The following PHC3 variants were observed in gnomAD, a reference collection of about 807,000 sequenced individuals.
The protein encoded by PHC3 is polyhomeotic homolog 3.
A neutral mutation model predicts 107.4 loss-of-function variants in PHC3; 13 were observed. That is an observed-to-expected ratio of 0.12 (90% CI 0.08 to 0.19). The LOEUF is 0.19. PHC3 is among the 10% of genes least tolerant of loss of function. The probability of loss-of-function intolerance (pLI) is 1.00; values close to 1 mark genes in which losing one functional copy is unlikely to be tolerated. For synonymous variants in PHC3, 456 were observed against 427.4 expected, an observed-to-expected ratio of 1.07 and a Z score of -0.83; for missense variants, 992 against 1,210.9, an observed-to-expected ratio of 0.82 and a Z score of 2.68.
intron 4 of PHC3, among the ~76,000 whole-genome samples, chr3:170,167,132 CTTCA>C (rs1353162087): frequency 2.0e-5 from 3 of 152,022 alleles, no homozygotes; most frequent in Admixed American, 6.6e-5. Context: ...GACAACAGTA[CTTCA>C]TTGTTATTTG....
At chr3:170,167,615 C>A (rs1414028886) in intron 4 of PHC3, among the ~76,000 whole-genome samples, 1 of 151,944 alleles carries the variant, frequency 6.6e-6, no homozygotes, top group Non-Finnish European at 1.5e-5. Flanking sequence ...CAAAAATTAG[C>A]CGGGCATGGT....
In PHC3 at chr3:170,102,559, C is replaced by T; in HGVS notation, c.2753G>A (p.Ser918Asn). The T allele has an allele frequency of 6.2e-7, 1 of 1,613,904 alleles. No homozygotes were observed. The highest frequency in any genetic ancestry group is 1.1e-5 in the South Asian group (1 of 91,084). ...TGTTTGTGCAACTGGTAGCAAGTCACTGTTCTCAGGCATTTTCCGAATTCT... is the reference window on the plus strand; with the variant it reads ...TGTTTGTGCAACTGGTAGCAAGTCATTGTTCTCAGGCATTTTCCGAATTCT... ...DVRIRKMPEN[S>N]DLLPVAQTEP... Residue 918 changes from serine (S) to asparagine (N), a missense_variant, in exon 14 of 15, where the codon AGT becomes AAT. Coordinates refer to ENST00000495893, the MANE Select transcript of PHC3 (RefSeq NM_024947.4).
chr3:170,181,610 C>G (rs1010323106), intron 1 of PHC3, 92 bp downstream of exon 1: 29 of 1,587,382 alleles, frequency 1.8e-5, no homozygotes, highest in Non-Finnish European at 2.4e-5. Flanking sequence ...ACACTGCCCG[C>G]AAAAGAGCCC....
intron 2 of PHC3, among the ~76,000 whole-genome samples, chr3:170,174,179 C>A (rs955242281): frequency 2.0e-5 from 3 of 151,626 alleles, no homozygotes; most frequent in Non-Finnish European, 4.4e-5. Flanking sequence ...GACGACAGAG[C>A]AAGACCCCAT....
intron 7 of PHC3, among the ~76,000 whole-genome samples, chr3:170,130,626 C>CA (rs200339061): frequency 1.3e-3 from 201 of 150,506 alleles, no homozygotes; most frequent in African/African-American, 4.5e-3. Flanking sequence ...TTTCCCTCAC[C>CA]AAAAAAAAAC....
intron 8 of PHC3, among the ~76,000 whole-genome samples, chr3:170,124,011 C>A (rs1338707625): frequency 6.6e-6 from 1 of 151,900 alleles, no homozygotes; most frequent in Non-Finnish European, 1.5e-5. Context: ...CCATGCCCAG[C>A]TAATTTTTTG....
rs533774798 is a variant in PHC3 at position 170,173,973 on chromosome 3, A to G, written c.181-1261T>C. Among the ~76,000 whole-genome samples, 346 of 152,276 alleles carry G rather than the reference A, an allele frequency of 2.3e-3. 1 individual carries two copies. The highest frequency in any genetic ancestry group is 7.7e-3 in the African/African-American group (322 of 41,556). ...TTTGGGAGGCCAAGGCAGGCAGGTC[A>G]CCTGAGGTCAGGAGTTCAAGACTAG... On this transcript the variant is annotated intron_variant, in intron 2 of 14. Transcript: ENST00000495893.
At chr3:170,159,666 C>T (rs562298813) in intron 4 of PHC3, among the ~76,000 whole-genome samples, 170 of 152,250 alleles carry the variant, frequency 1.1e-3, no homozygotes, top group African/African-American at 3.9e-3. Context: ...AACCTAGTTT[C>T]ACACTAAGAG....
chr3:170,104,566 C>T (rs1716109185), intron 12 of PHC3, among the ~76,000 whole-genome samples: 1 of 152,158 alleles, frequency 6.6e-6, no homozygotes, highest in South Asian at 2.1e-4. Context: ...TGCCACCACA[C>T]CTACCCTTCA....
intron 2 of PHC3, among the ~76,000 whole-genome samples, chr3:170,177,974 A>G (rs1299998262): frequency 6.7e-6 from 1 of 149,206 alleles, no homozygotes; most frequent in East Asian, 2.0e-4. Flanking sequence ...CCTAGCCAAT[A>G]GTATGATTAT....
chr3:170,163,841 C>A (rs1036071218), intron 4 of PHC3, among the ~76,000 whole-genome samples: 3 of 120,050 alleles, frequency 2.5e-5, no homozygotes, highest in Non-Finnish European at 4.8e-5. Context: ...CCAGCCTGGG[C>A]AACAGTGCAA....
rs1030740278 is a variant in PHC3, at chr3:170,179,965, G to T, written c.15-1027C>A. On this transcript the variant is annotated intron_variant, in intron 1 of 14. Coordinates refer to ENST00000495893, the MANE Select transcript of PHC3 (RefSeq NM_024947.4). ...AAATCCCACCCACCCCACATTAGCA[G>T]CACTGATAAAAATGTAAGAACACTT... Among the ~76,000 whole-genome samples, 4 of 152,116 alleles carry T rather than the reference G, an allele frequency of 2.6e-5. No individual in the cohort carries two copies. The South Asian group carries it at 8.3e-4, about 32-fold the overall frequency.
At chr3:170,119,507 T>C (rs757567965) in intron 9 of PHC3, among the ~76,000 whole-genome samples, 9 of 152,178 alleles carry the variant, frequency 5.9e-5, no homozygotes, top group Non-Finnish European at 1.3e-4. Context: ...TTTTTGAAGA[T>C]GGTAATAGCT....
chr3:170,149,015 TATCAA>T, intron 5 of PHC3, 66 bp downstream of exon 5: 2 of 1,430,400 alleles, frequency 1.4e-6, no homozygotes, highest in Non-Finnish European at 1.9e-6. Flanking sequence ...CCTCTTATTG[TATCAA>T]ATCAAGAAAC....
At chr3:170,109,497 T>C (rs1254831479) in intron 11 of PHC3, among the ~76,000 whole-genome samples, 1 of 152,196 alleles carries the variant, frequency 6.6e-6, no homozygotes, top group African/African-American at 2.4e-5. Context: ...GACTGATCTT[T>C]GGGTTATGTC....
chr3:170,175,949 C>T (rs1333778836), intron 2 of PHC3, among the ~76,000 whole-genome samples: 2 of 149,352 alleles, frequency 1.3e-5, no homozygotes, highest in East Asian at 2.0e-4. Flanking sequence ...AAAACCCGGC[C>T]GGGCACGGTA....
chr3:170,176,207 T>A (rs1348761051), intron 2 of PHC3, among the ~76,000 whole-genome samples: 1 of 129,442 alleles, frequency 7.7e-6, no homozygotes, highest in Non-Finnish European at 1.6e-5. Flanking sequence ...GCCTGGGCGA[T>A]AGAGCGAGAC....
chr3:170,122,785 C>G (rs1720601200), intron 8 of PHC3, 41 bp from the exon 9 acceptor site: 1 of 1,593,110 alleles, frequency 6.3e-7, no homozygotes. Context: ...GTTTCCAAAA[C>G]TATATTTTAT....
At chr3:170,134,687 A>G (rs1722781727) in intron 7 of PHC3, among the ~76,000 whole-genome samples, 1 of 152,220 alleles carries the variant, frequency 6.6e-6, no homozygotes. Flanking sequence ...AAGTACGTAT[A>G]AGATACAACT....
Sources: gnomAD v4.1 joint callset for allele counts (sites outside exome capture counted in the v4.1 genomes callset) on GRCh38, gnomAD v4.1.1 for gene constraint, MANE v1.5 for transcripts, NCBI Gene and HGNC (gene_info 2026-07-23, HGNC 2026-07-21) for gene names.